The following CLK1 variants were observed in gnomAD, a reference collection of about 807,000 sequenced individuals.
CLK1 encodes the protein dual specificity protein kinase CLK1.
CLK1 carries 40 observed loss-of-function variants against 60.9 expected under a neutral mutation model. That is an observed-to-expected ratio of 0.66 (90% CI 0.51 to 0.86). CLK1 has a LOEUF of 0.86. Ranked by LOEUF, CLK1 falls within the 40% of genes least tolerant of loss-of-function variation. The probability of loss-of-function intolerance (pLI) is 0.00; values close to 1 mark genes in which losing one functional copy is unlikely to be tolerated. For missense variants in CLK1, 563 were observed against 606.1 expected (o/e 0.93, Z 0.75); for synonymous variants, 203 against 184.4 (o/e 1.10, Z -0.82).
intron 1 of CLK1, among the ~76,000 whole-genome samples, chr2:200,863,496 G>A (rs1192848512): frequency 6.6e-6 from 1 of 152,120 alleles, no homozygotes; most frequent in African/African-American, 2.4e-5. Flanking sequence ...TGTCGAAGCT[G>A]CAGTGAGCCG....
At chr2:200,856,861 G>A (rs1177469285) in intron 8 of CLK1, 30 bp downstream of exon 8, 103 of 1,613,810 alleles carry the variant, frequency 6.4e-5, no homozygotes, top group Non-Finnish European at 8.6e-5. Context: ...TAAGGCATAA[G>A]ATACTTTATG....
At chr2:200,855,620 G>GC (rs34317941) in intron 9 of CLK1, among the ~76,000 whole-genome samples, 25,128 of 147,294 alleles carry the variant, frequency 0.17, 2,296 homozygotes, top group East Asian at 0.25. Context: ...GCAAGACTCC[G>GC]CCCCCCCCCC....
chr2:200,861,513 A>ATC, intron 2 of CLK1, 47 bp from the exon 3 acceptor site: 2 of 1,600,440 alleles, frequency 1.2e-6, no homozygotes, highest in Non-Finnish European at 1.7e-6. Flanking sequence ...AAGACCAAAT[A>ATC]TCCTCACATT....
At chr2:200,856,529 C>A (rs895721216) in intron 9 of CLK1, among the ~76,000 whole-genome samples, 153 bp downstream of exon 9, 4 of 152,186 alleles carry the variant, frequency 2.6e-5, no homozygotes, top group Admixed American at 2.0e-4. Flanking sequence ...TTATCTGGTA[C>A]AATTGAGAGC....
At chr2:200,856,047 T>C (rs942703446) in intron 9 of CLK1, among the ~76,000 whole-genome samples, 1 of 151,016 alleles carries the variant, frequency 6.6e-6, no homozygotes, top group Admixed American at 6.6e-5. Context: ...AATTATATAG[T>C]GTTATATATA....
intron 3 of CLK1, 57 bp from the exon 4 acceptor site, chr2:200,860,272 G>A: frequency 6.2e-7 from 1 of 1,611,212 alleles, no homozygotes; most frequent in Non-Finnish European, 8.5e-7. Context: ...ATACCCGAGT[G>A]AATTCAGGGC....
chr2:200,864,100 C>T (rs75648691), intron 1 of CLK1: 204 of 1,549,334 alleles, frequency 1.3e-4, no homozygotes, highest in Middle Eastern at 6.7e-4. Flanking sequence ...TCTCCACTTA[C>T]TCCAGACAAC....
At position 200,853,325 on chromosome 2, in the gene CLK1, A is replaced by C. The variant is rs916277609; in HGVS notation, c.1436T>G (p.Leu479Arg). 6.2e-7 allele frequency: 1 copy of C among 1,610,994 alleles called. No individual in the cohort carries two copies. Among genetic ancestry groups the C allele is most frequent in the Non-Finnish European group, 8.5e-7 (1 of 1,178,704 alleles). Residue 479 changes from leucine to arginine, a missense_variant, in exon 13 of 13, where the codon CTT (leucine) becomes CGT (arginine). Around this residue, in one of 3 missense-constraint regions of CLK1, gnomAD observed 360 missense variants for 407.0 expected, o/e 0.88. Transcript: ENST00000321356. ...REALKHPFFD[L>R]LKKSI ...ACAGATCTATATACTTTTCTTCAGA[A>C]GGTCAAAGAAAGGATGCTTTAAGGC...
chr2:200,860,805 G>C lies in CLK1; in HGVS notation c.390+433C>G, dbSNP rs1166895876. 4.9e-6 allele frequency: 5 copies of C among 1,027,912 alleles called. No homozygotes were observed. The South Asian group carries it at 1.5e-4, about 30-fold the overall frequency. 63.7% of individuals were successfully genotyped at this position (1,027,912 alleles called of 1,614,324 possible). A position where few individuals can be genotyped will look rare whatever the true frequency, so the allele number is the denominator to read the frequency against. ...TCAAATCTGTTCTGGTTTGCTTAGT[G>C]AAAGAAGGGTTAGAAAACATGACTT... On this transcript the variant is annotated intron_variant, in intron 3 of 12. Coordinates refer to ENST00000321356, the MANE Select transcript of CLK1 (RefSeq NM_004071.4).
In CLK1 at chr2:200,853,976, T is replaced by TGA; in HGVS notation, c.1236_1237dup (p.His413LeufsTer6). 6.2e-7 allele frequency: 1 copy of TGA among 1,609,852 alleles called. No homozygotes were observed. The highest frequency in any genetic ancestry group is 8.5e-7 in the Non-Finnish European group (1 of 1,178,064). On this transcript the variant is annotated frameshift_variant, in exon 12 of 13. Coordinates refer to ENST00000321356, the MANE Select transcript of CLK1 (RefSeq NM_004071.4). LOFTEE classifies it high-confidence loss of function. ...TTCATCCCAGTCTAATCGATCGTGG[T>TGA]GAAAATATTTACGTTTCCTAAAAAT... is the stretch of plus-strand genomic sequence containing the variant.
intron 7 of CLK1, 31 bp downstream of exon 7, chr2:200,857,687 G>A: frequency 6.5e-7 from 1 of 1,539,334 alleles, no homozygotes. Flanking sequence ...GATAAAACCA[G>A]CAAATTAACG....
chr2:200,858,150 ACT>A, intron 5 of CLK1, 61 bp from the exon 6 acceptor site: 1 of 1,086,164 alleles, frequency 9.2e-7, no homozygotes, highest in Non-Finnish European at 1.4e-6. Flanking sequence ...TCCAGGTATT[ACT>A]GTCTTCAAAC....
Position 200,858,057 on chromosome 2 carries a change from T to G in CLK1, c.581A>C (p.Lys194Thr). The G allele has an allele frequency of 6.2e-7, 1 of 1,613,792 alleles. No homozygotes were observed. The highest frequency in any genetic ancestry group is 8.5e-7 in the Non-Finnish European group (1 of 1,179,726). The change falls in exon 6 of 13, where the codon AAA becomes ACA. Residue 194 changes from lysine to threonine, a missense_variant. By Grantham distance (78) the Lys-to-Thr change is moderately conservative (BLOSUM62 -1). Around this residue, in one of 3 missense-constraint regions of CLK1, gnomAD observed 360 missense variants for 407.0 expected, o/e 0.88. Coordinates refer to ENST00000321356, the MANE Select transcript of CLK1 (RefSeq NM_004071.4). ...AGCTTCACAGTATCTATCCACATTT[T>G]TAACTATTTTTACTGCTACATGTCT... ...GGRHVAVKIV[K>T]NVDRYCEAAR...
intron 3 of CLK1, chr2:200,860,721 T>A (rs948973674): frequency 4.0e-6 from 4 of 999,340 alleles, no homozygotes; most frequent in Non-Finnish European, 4.8e-6. Context: ...AGAATAACAC[T>A]ACGGCATTTT....
At chr2:200,857,071 C>A in intron 7 of CLK1, 86 bp from the exon 8 acceptor site, 1 of 1,010,756 alleles carries the variant, frequency 9.9e-7, no homozygotes, top group Non-Finnish European at 1.5e-6. Context: ...GGTGCAGTGG[C>A]TCACGCCTGT....
intron 1 of CLK1, among the ~76,000 whole-genome samples, chr2:200,862,909 C>CA (rs1245602991): frequency 6.6e-6 from 1 of 152,090 alleles, no homozygotes; most frequent in Non-Finnish European, 1.5e-5. Flanking sequence ...ATAAAAACAA[C>CA]AAAACACCAT....
chr2:200,859,673 A>AACTT lies in CLK1; in HGVS notation c.548+3_548+6dup. On this transcript the variant is annotated splice_region_variant and intron_variant, in intron 5 of 12. Coordinates refer to ENST00000321356, the MANE Select transcript of CLK1 (RefSeq NM_004071.4). ...CCCTAAAAGTAATCCCAACATGGGA[A>AACTT]ACTTACGCTTTATGATCGATGCACT... The AACTT allele has an allele frequency of 6.2e-7, 1 of 1,610,826 alleles. No homozygotes were observed. Among genetic ancestry groups the AACTT allele is most frequent in the Non-Finnish European group, 8.5e-7 (1 of 1,178,526 alleles).
At position 200,861,723 on chromosome 2, in the gene CLK1, T is replaced by C. The variant is rs1482222853; in HGVS notation, c.140A>G (p.Asn47Ser). Residue 47 changes from asparagine (N) to serine (S), a missense_variant, in exon 2 of 13, where the codon AAT becomes AGT. Asn to Ser is a conservative substitution (Grantham distance 46, BLOSUM62 1). Around this residue, in one of 3 missense-constraint regions of CLK1, gnomAD observed 198 missense variants for 179.2 expected, o/e 1.10. Transcript: ENST00000321356. ...TTACCTATCACACATTTTAGAGTGA[T>C]TGTATTTGCAGCGCTTGTTCTCCTG... ...SAQENKRCKYNHSKMCDSHYL... is the reference protein window; with the variant it reads ...SAQENKRCKYSHSKMCDSHYL... 13 of 1,614,106 alleles carry C rather than the reference T, an allele frequency of 8.1e-6. No homozygotes were observed. The highest frequency in any genetic ancestry group is 2.2e-5 in the South Asian group (2 of 91,082).
Position 200,857,831 on chromosome 2 carries a change from A to G in CLK1, c.719T>C (p.Val240Ala). Residue 240 changes from valine (V) to alanine (A), a missense_variant, in exon 7 of 13, where the codon GTT (valine) becomes GCT (alanine). Transcript: ENST00000321356. ...WFEHHGHICI[V>A]FELLGLSTYD... ...AGTACTAAGTCCCAATAGTTCAAAA[A>G]CAATGCAAATGTGACCATGATGCTC... The G allele has an allele frequency of 1.9e-6, 3 of 1,613,866 alleles. No individual in the cohort carries two copies. The highest frequency in any genetic ancestry group is 2.5e-6 in the Non-Finnish European group (3 of 1,179,844).
Sources: gnomAD v4.1 joint callset for allele counts (sites outside exome capture counted in the v4.1 genomes callset) on GRCh38, gnomAD v4.1.1 for gene constraint, gnomAD v4.1.1 regional missense constraint, MANE v1.5 for transcripts, NCBI Gene and HGNC (gene_info 2026-07-23, HGNC 2026-07-21) for gene names.